The following SDK1 variants were observed in gnomAD, a reference collection of about 807,000 sequenced individuals.
SDK1 encodes sidekick cell adhesion molecule 1.
A neutral mutation model predicts 245.5 loss-of-function variants in SDK1; 157 were observed. The observed-to-expected ratio is 0.64, with a 90% CI of 0.56 to 0.73. The LOEUF is 0.73. SDK1 is among the 30% of genes least tolerant of loss of function. SDK1 has a pLI of 0.00. For synonymous variants in SDK1, 1,647 were observed against 1,278.5 expected (o/e 1.29, Z -6.15); for missense variants, 3,583 against 3,002.3 (o/e 1.19, Z -4.52).
At chr7:3,942,845 T>C (rs753607324) in intron 5 of SDK1, among the ~76,000 whole-genome samples, 13 of 152,340 alleles carry the variant, frequency 8.5e-5, no homozygotes, top group Non-Finnish European at 1.8e-4. Context: ...TCGTTGGAAA[T>C]GTCTATTTAT....
chr7:4,105,398 C>T (rs1308571540), intron 22 of SDK1, among the ~76,000 whole-genome samples: 1 of 151,992 alleles, frequency 6.6e-6, no homozygotes, highest in Non-Finnish European at 1.5e-5. Context: ...CCTCCACCCC[C>T]CTGGTTCAAG....
At chr7:3,788,653 T>C (rs1379879939) in intron 4 of SDK1, among the ~76,000 whole-genome samples, 1 of 152,182 alleles carries the variant, frequency 6.6e-6, no homozygotes, top group Non-Finnish European at 1.5e-5. Flanking sequence ...ACACTACCGA[T>C]GGCTGATGTG....
At chr7:3,402,794 C>A in intron 1 of SDK1, among the ~76,000 whole-genome samples, 1 of 152,044 alleles carries the variant, frequency 6.6e-6, no homozygotes, top group Admixed American at 6.6e-5. Flanking sequence ...AAACTTTATT[C>A]TACACTCAAC....
At chr7:3,893,586 C>G (rs1781516457) in intron 5 of SDK1, among the ~76,000 whole-genome samples, 1 of 151,884 alleles carries the variant, frequency 6.6e-6, no homozygotes, top group Non-Finnish European at 1.5e-5. Context: ...AGATGTCAAG[C>G]TTTCTGCAAT....
intron 20 of SDK1, among the ~76,000 whole-genome samples, chr7:4,072,794 C>G (rs1355319110): frequency 6.6e-6 from 1 of 152,188 alleles, no homozygotes; most frequent in African/African-American, 2.4e-5. Flanking sequence ...GCCAGAGGCG[C>G]TGTTGGAAAC....
chr7:3,526,773 T>A (rs2128616666), intron 1 of SDK1, among the ~76,000 whole-genome samples: 1 of 152,318 alleles, frequency 6.6e-6, no homozygotes. Flanking sequence ...ATGGATGGTC[T>A]TTTATTTGGT....
chr7:3,864,438 G>A (rs115948753), intron 5 of SDK1, among the ~76,000 whole-genome samples: 55 of 152,284 alleles, frequency 3.6e-4, no homozygotes, highest in Middle Eastern at 6.8e-3. Flanking sequence ...CCTGCCTGAC[G>A]TCTCCATCTG....
intron 22 of SDK1, among the ~76,000 whole-genome samples, chr7:4,087,158 AT>A (rs1397635054): frequency 1.3e-5 from 2 of 151,982 alleles, no homozygotes; most frequent in African/African-American, 4.8e-5. Flanking sequence ...TTCTGGTTTC[AT>A]TTTTACATTT....
intron 1 of SDK1, among the ~76,000 whole-genome samples, chr7:3,460,457 A>G (rs778712987): frequency 3.3e-5 from 5 of 152,172 alleles, no homozygotes; most frequent in Non-Finnish European, 5.9e-5. Context: ...AACTCAAAAG[A>G]TTTTATAACT....
intron 1 of SDK1, among the ~76,000 whole-genome samples, chr7:3,427,002 A>T (rs1221979145): frequency 6.6e-6 from 1 of 152,194 alleles, no homozygotes; most frequent in Non-Finnish European, 1.5e-5. Flanking sequence ...ATATATTCTA[A>T]TTCTTACTAT....
At chr7:3,519,374 A>C (rs990200513) in intron 1 of SDK1, among the ~76,000 whole-genome samples, 3 of 152,182 alleles carry the variant, frequency 2.0e-5, no homozygotes, top group Admixed American at 2.0e-4. Context: ...TCAAAACATT[A>C]CTGTGTACCC....
chr7:4,041,637 T>TGCACACTTGAAA (rs1312393239), intron 17 of SDK1, among the ~76,000 whole-genome samples: 1 of 91,954 alleles, frequency 1.1e-5, no homozygotes, highest in African/African-American at 8.9e-5. Context: ...CAGCCACTGG[T>TGCACACTTGAAA]CCTTTTGCTG....
chr7:3,448,323 C>T (rs927587964), intron 1 of SDK1, among the ~76,000 whole-genome samples: 17 of 151,986 alleles, frequency 1.1e-4, no homozygotes, highest in African/African-American at 4.1e-4. Context: ...AATTTCTGCT[C>T]ATATTATCTG....
At chr7:3,758,578 T>C (rs1423389696) in intron 4 of SDK1, among the ~76,000 whole-genome samples, 4 of 152,328 alleles carry the variant, frequency 2.6e-5, no homozygotes, top group African/African-American at 9.6e-5. Context: ...CCTTGAGAGC[T>C]TTCTCCAGTT....
intron 17 of SDK1, among the ~76,000 whole-genome samples, chr7:4,030,792 C>T (rs2880371): frequency 0.29 from 44,444 of 152,092 alleles, 9,621 homozygotes; most frequent in African/African-American, 0.61. Context: ...GCAATTATCA[C>T]TTATATTTAA....
chr7:3,358,985 AGTCT>A (rs1482121662), intron 1 of SDK1, among the ~76,000 whole-genome samples: 1 of 152,072 alleles, frequency 6.6e-6, no homozygotes, highest in East Asian at 1.9e-4. Context: ...CCTGGTTTTT[AGTCT>A]GTTTTTCTAA....
rs766220406 is a variant in SDK1 at position 3,726,991 on chromosome 7, C to T, written c.713+84886C>T. ...TAATCAAACTGTAATTGCCTGTCTT[C>T]CTGATAAATTGACCATGAATAAGGT... On this transcript the variant is annotated intron_variant, in intron 4 of 44. Coordinates refer to ENST00000404826, the MANE Select transcript of SDK1 (RefSeq NM_152744.4). Among the ~76,000 whole-genome samples the T allele has an allele frequency of 3.3e-5, 5 of 152,168 alleles. No individual in the cohort carries two copies. The East Asian group carries it at 7.7e-4, about 23-fold the overall frequency.
chr7:3,815,583 G>GT (rs1779486592), intron 4 of SDK1, among the ~76,000 whole-genome samples: 1 of 147,832 alleles, frequency 6.8e-6, no homozygotes, highest in African/African-American at 2.5e-5. Flanking sequence ...CTCTTTTTTG[G>GT]TTGTGTCTCT....
intron 5 of SDK1, among the ~76,000 whole-genome samples, chr7:3,845,645 G>C (rs1389915126): frequency 6.6e-6 from 1 of 151,564 alleles, no homozygotes; most frequent in Non-Finnish European, 1.5e-5. Context: ...CTCTTCAGCA[G>C]TGGGCTCCCT....
Sources: allele counts gnomAD v4.1 joint callset (sites outside exome capture counted in the v4.1 genomes callset), GRCh38; gene constraint gnomAD v4.1.1; transcripts MANE v1.5; gene names NCBI Gene and HGNC (gene_info 2026-07-23, HGNC 2026-07-21).